The following FARS2 variants were observed in gnomAD, a reference collection of about 807,000 sequenced individuals.
FARS2 encodes phenylalanyl-tRNA synthetase 2, mitochondrial, also known as phenylalanine--tRNA ligase, mitochondrial.
FARS2 carries 40 observed loss-of-function variants against 46.4 expected under a neutral mutation model. That is an observed-to-expected ratio of 0.86 (90% CI 0.67 to 1.12). The LOEUF is 1.12. FARS2 is among the 50% of genes most tolerant of loss of function. The pLI is 0.00. For synonymous variants in FARS2, 234 were observed against 214.9 expected (o/e 1.09, Z -0.78); for missense variants, 513 against 567.9 (o/e 0.90, Z 0.98).
At chr6:5,270,539 G>T (rs2127824032) in intron 1 of FARS2, among the ~76,000 whole-genome samples, 1 of 152,284 alleles carries the variant, frequency 6.6e-6, no homozygotes, top group South Asian at 2.1e-4. Context: ...AAGTTACAGT[G>T]TTTGCTGAAA....
chr6:5,443,000 A>G (rs1204711755), intron 4 of FARS2, among the ~76,000 whole-genome samples: 2 of 152,170 alleles, frequency 1.3e-5, no homozygotes, highest in Non-Finnish European at 1.5e-5. Context: ...TGATTTCTAG[A>G]TATAAGAAAC....
intron 6 of FARS2, among the ~76,000 whole-genome samples, chr6:5,711,490 G>A (rs568091194): frequency 7.9e-5 from 12 of 152,278 alleles, no homozygotes; most frequent in East Asian, 5.8e-4. Flanking sequence ...GGAAGCTGAC[G>A]ACCACTGCTT....
At chr6:5,449,004 A>T (rs1344294618) in intron 4 of FARS2, among the ~76,000 whole-genome samples, 1 of 152,216 alleles carries the variant, frequency 6.6e-6, no homozygotes, top group Non-Finnish European at 1.5e-5. Flanking sequence ...CACGTGAAAG[A>T]TCGGAGAGCG....
intron 6 of FARS2, among the ~76,000 whole-genome samples, chr6:5,643,473 T>C (rs1776923892): frequency 6.6e-6 from 1 of 152,166 alleles, no homozygotes; most frequent in South Asian, 2.1e-4. Flanking sequence ...GGAGGTCTGC[T>C]CCAGGGAGTG....
Position 5,444,293 on chromosome 6 carries a change from C to G in FARS2, c.904+13121C>G, listed in dbSNP as rs188592511. On this transcript the variant is annotated intron_variant, in intron 4 of 6. Transcript: ENST00000274680. ...ACCAGCCTGACCAACATGGTGAAGC[C>G]CCGTCTCTACTAAAAATACAAAAAT... Among the ~76,000 whole-genome samples the G allele has an allele frequency of 2.6e-5, 4 of 151,656 alleles. No homozygotes were observed. In the East Asian group the frequency reaches 7.7e-4, roughly 29 times the overall value.
chr6:5,267,051 T>C (rs968905115), intron 1 of FARS2, among the ~76,000 whole-genome samples: 41 of 152,158 alleles, frequency 2.7e-4, no homozygotes, highest in African/African-American at 9.7e-4. Context: ...CTAGCTTCAT[T>C]GATTGGAGGC....
chr6:5,257,748 G>A (rs1427918259), upstream of FARS2, among the ~76,000 whole-genome samples: 2 of 152,156 alleles, frequency 1.3e-5, no homozygotes, highest in Non-Finnish European at 2.9e-5. Context: ...AGGTGGAAGA[G>A]TTTCATCCCG....
chr6:5,317,947 C>T (rs192828886), intron 1 of FARS2, among the ~76,000 whole-genome samples: 25 of 152,042 alleles, frequency 1.6e-4, no homozygotes, highest in East Asian at 7.7e-4. Flanking sequence ...GAAGTTGAGG[C>T]GGGGAAAGGA....
At chr6:5,662,308 A>G (rs1040419671) in intron 6 of FARS2, among the ~76,000 whole-genome samples, 1 of 152,138 alleles carries the variant, frequency 6.6e-6, no homozygotes, top group Admixed American at 6.5e-5. Context: ...CATGCATGTT[A>G]TTACTTTAGT....
chr6:5,496,140 C>CT (rs574099171), intron 4 of FARS2, among the ~76,000 whole-genome samples: 101 of 152,020 alleles, frequency 6.6e-4, no homozygotes, highest in African/African-American at 1.9e-3. Context: ...TTCTTCTTAT[C>CT]TTTTTTTTGG....
chr6:5,523,610 A>T (rs1353618051), intron 4 of FARS2, among the ~76,000 whole-genome samples: 1 of 151,976 alleles, frequency 6.6e-6, no homozygotes, highest in African/African-American at 2.4e-5. Context: ...GCTGCATCAG[A>T]CCTTATGCAT....
At position 5,444,235 on chromosome 6, in the gene FARS2, A is replaced by G. The variant is rs950186429; in HGVS notation, c.904+13063A>G. Among the ~76,000 whole-genome samples the G allele has an allele frequency of 2.4e-4, 37 of 152,058 alleles. No individual in the cohort carries two copies. The East Asian group carries it at 2.5e-3, about 10-fold the overall frequency. Reference sequence around the variant, plus strand: ...TGTAATCCGAGCACTTTGGGAGGCCAATGTGGGCGGATCACAAGGTCAGGA... The same window carrying G: ...TGTAATCCGAGCACTTTGGGAGGCCGATGTGGGCGGATCACAAGGTCAGGA... On this transcript the variant is annotated intron_variant, in intron 4 of 6. Transcript: ENST00000274680.
At chr6:5,377,596 A>G (rs1759465250) in intron 2 of FARS2, among the ~76,000 whole-genome samples, 1 of 152,194 alleles carries the variant, frequency 6.6e-6, no homozygotes, top group African/African-American at 2.4e-5. Context: ...GAATGTGCAT[A>G]TCTGTTTCTT....
intron 5 of FARS2, among the ~76,000 whole-genome samples, chr6:5,575,096 A>G (rs1224251841): frequency 6.6e-6 from 1 of 152,210 alleles, no homozygotes; most frequent in Non-Finnish European, 1.5e-5. Flanking sequence ...TTTCTCCGTA[A>G]GACACATCAC....
chr6:5,535,059 C>T (rs544938435), intron 4 of FARS2, among the ~76,000 whole-genome samples: 18 of 152,288 alleles, frequency 1.2e-4, no homozygotes, highest in African/African-American at 3.6e-4. Context: ...TATAACCACC[C>T]TAGTAGATGT....
chr6:5,719,927 C>T (rs1447174237), intron 6 of FARS2, among the ~76,000 whole-genome samples: 1 of 152,194 alleles, frequency 6.6e-6, no homozygotes, highest in Non-Finnish European at 1.5e-5. Flanking sequence ...TGTGGACTCT[C>T]TATTATACCA....
In FARS2 at chr6:5,594,631, A is replaced by G. The variant is rs534778282; in HGVS notation, c.1066-18538A>G. On this transcript the variant is annotated intron_variant, in intron 5 of 6. Transcript: ENST00000274680. Reference sequence around the variant, plus strand: ...TCCCCACCCTGGGGCTGAGGGAACAATCGAAGAGGCTGGAATTAATGAAAC... The same window carrying G: ...TCCCCACCCTGGGGCTGAGGGAACAGTCGAAGAGGCTGGAATTAATGAAAC... Among the ~76,000 whole-genome samples, 89 of 152,298 alleles carry G rather than the reference A, an allele frequency of 5.8e-4. 1 individual carries two copies. Among genetic ancestry groups the G allele is most frequent in the African/African-American group, 2.0e-3 (85 of 41,548 alleles).
intron 1 of FARS2, among the ~76,000 whole-genome samples, chr6:5,284,731 A>G (rs374986849): frequency 6.6e-6 from 1 of 151,822 alleles, no homozygotes; most frequent in East Asian, 1.9e-4. Context: ...TTCTCATTTC[A>G]CCTTCTTGAA....
At chr6:5,346,099 A>G (rs1300991136) in intron 1 of FARS2, among the ~76,000 whole-genome samples, 1 of 152,206 alleles carries the variant, frequency 6.6e-6, no homozygotes, top group Non-Finnish European at 1.5e-5. Context: ...GCAGTCACCT[A>G]GAAGTCTCTT....
Sources: gnomAD v4.1 joint callset for allele counts (sites outside exome capture counted in the v4.1 genomes callset) on GRCh38, gnomAD v4.1.1 for gene constraint, MANE v1.5 for transcripts, NCBI Gene and HGNC (gene_info 2026-07-23, HGNC 2026-07-21) for gene names.